CUL1: variants seen among roughly 807,000 people sequenced by gnomAD.
CUL1 encodes cullin-1.
Under a neutral mutation model 118.0 loss-of-function variants are expected in CUL1, and 24 were observed. The ratio of observed to expected loss-of-function variants is 0.20; its 90% confidence interval spans 0.15 to 0.29. The LOEUF (loss-of-function observed/expected upper bound fraction) is 0.29, where lower values mean the gene tolerates loss of function less well. Among genes scored for constraint, CUL1 ranks in the 10% least tolerant of loss-of-function variants. CUL1 has a pLI of 1.00. For synonymous variants in CUL1, 332 were observed against 340.4 expected (o/e 0.98, Z 0.27); for missense variants, 361 against 933.8 (o/e 0.39, Z 7.99).
intron 2 of CUL1, among the ~76,000 whole-genome samples, chr7:148,730,932 C>T (rs1014358591): frequency 2.0e-5 from 3 of 152,208 alleles, no homozygotes; most frequent in Non-Finnish European, 4.4e-5. Context: ...CCATCTCAGC[C>T]TCCCAAGTAG....
chr7:148,704,459 C>G (rs1797821803), intron 1 of CUL1, among the ~76,000 whole-genome samples: 1 of 152,002 alleles, frequency 6.6e-6, no homozygotes, highest in African/African-American at 2.4e-5. Flanking sequence ...TATTCCATTT[C>G]TAAGAATTTA....
chr7:148,737,586 ATTT>A (rs1383471672), intron 2 of CUL1, among the ~76,000 whole-genome samples: 1 of 145,318 alleles, frequency 6.9e-6, no homozygotes, highest in Non-Finnish European at 1.5e-5. Context: ...ATATTTATTT[ATTT>A]ATTTATTTAT....
At chr7:148,773,612 G>A (rs1800295634) in intron 9 of CUL1, among the ~76,000 whole-genome samples, 1 of 152,168 alleles carries the variant, frequency 6.6e-6, no homozygotes, top group South Asian at 2.1e-4. Flanking sequence ...AAGGCCGTCT[G>A]CTGCAGGGCT....
At chr7:148,751,103 A>G (rs778171544) in intron 2 of CUL1, among the ~76,000 whole-genome samples, 6 of 152,206 alleles carry the variant, frequency 3.9e-5, no homozygotes, top group Admixed American at 6.5e-5. Context: ...CATGCACTAC[A>G]GGGTGCTGGA....
At chr7:148,726,239 A>AG (rs1798578923) in intron 1 of CUL1, among the ~76,000 whole-genome samples, 1 of 152,212 alleles carries the variant, frequency 6.6e-6, no homozygotes, top group Non-Finnish European at 1.5e-5. Flanking sequence ...CTGAGACAGG[A>AG]GAATGGAGGT....
intron 2 of CUL1, among the ~76,000 whole-genome samples, chr7:148,740,962 C>T (rs1484380108): frequency 6.6e-6 from 1 of 152,180 alleles, no homozygotes; most frequent in Non-Finnish European, 1.5e-5. Flanking sequence ...TTGTTTAAGC[C>T]GTCTTGTCTG....
chr7:148,710,745 G>A (rs2129459023), intron 1 of CUL1, among the ~76,000 whole-genome samples: 1 of 151,094 alleles, frequency 6.6e-6, no homozygotes, highest in East Asian at 2.0e-4. Context: ...TGCAACCCCC[G>A]CCTTCTGGTT....
Position 148,753,968 on chromosome 7 carries a change from T to C in CUL1, c.141-8T>C. On this transcript the variant is annotated splice_polypyrimidine_tract_variant and splice_region_variant and intron_variant, in intron 2 of 21. Coordinates refer to ENST00000325222, the MANE Select transcript of CUL1 (RefSeq NM_003592.3). ...GATATATGTTGGTTTCCTTAACTTT[T>C]CTCCAAGTCATGTTTATAACTACTG... 6.3e-7 allele frequency: 1 copy of C among 1,580,086 alleles called. No homozygotes were observed.
intron 1 of CUL1, among the ~76,000 whole-genome samples, chr7:148,725,030 A>G (rs1798516371): frequency 6.6e-6 from 1 of 151,854 alleles, no homozygotes; most frequent in East Asian, 1.9e-4. Context: ...AGATATGGAT[A>G]TATAGTTTGT....
At chr7:148,762,470 TC>T (rs1475973775) in intron 7 of CUL1, among the ~76,000 whole-genome samples, 1 of 152,208 alleles carries the variant, frequency 6.6e-6, no homozygotes, top group African/African-American at 2.4e-5. Context: ...AAATTGACTT[TC>T]CTATGCCAAT....
intron 2 of CUL1, among the ~76,000 whole-genome samples, chr7:148,735,377 A>T (rs746665582): frequency 5.9e-5 from 9 of 152,190 alleles, no homozygotes; most frequent in Admixed American, 1.3e-4. Context: ...GGCTGCCGCC[A>T]CCACTCTTTT....
intron 1 of CUL1, among the ~76,000 whole-genome samples, chr7:148,728,653 C>T (rs576836689): frequency 6.6e-6 from 1 of 152,126 alleles, no homozygotes; most frequent in African/African-American, 2.4e-5. Flanking sequence ...TTTGAACATA[C>T]CAATTCGAAT....
At chr7:148,724,844 TTTTG>T (rs1217046631) in intron 1 of CUL1, among the ~76,000 whole-genome samples, 4 of 152,290 alleles carry the variant, frequency 2.6e-5, no homozygotes, top group African/African-American at 7.2e-5. Flanking sequence ...TATTTTGTTT[TTTTG>T]TTTGTTTTTT....
chr7:148,754,235 C>T, intron 3 of CUL1, 85 bp downstream of exon 3: 2 of 903,660 alleles, frequency 2.2e-6, no homozygotes, highest in Non-Finnish European at 1.6e-6. Context: ...AAATCTTTCA[C>T]TGTCATCTGT....
At chr7:148,799,217 T>C in intron 20 of CUL1, 58 bp from the exon 21 acceptor site, 4 of 1,333,866 alleles carry the variant, frequency 3.0e-6, no homozygotes, top group Non-Finnish European at 4.3e-6. Flanking sequence ...TCCTTAACTA[T>C]CAATACAACG....
intron 1 of CUL1, among the ~76,000 whole-genome samples, chr7:148,719,432 T>C (rs898724025): frequency 2.6e-5 from 4 of 152,234 alleles, no homozygotes; most frequent in Non-Finnish European, 4.4e-5. Context: ...CATAGTTTTA[T>C]ATAGAAAGGG....
chr7:148,780,397 C>T (rs935137987), intron 9 of CUL1, among the ~76,000 whole-genome samples: 2 of 152,130 alleles, frequency 1.3e-5, no homozygotes, highest in African/African-American at 2.4e-5. Context: ...ATTTTTTCCA[C>T]AATAAAACGT....
intron 2 of CUL1, among the ~76,000 whole-genome samples, chr7:148,737,592 T>TTATG: frequency 6.8e-6 from 1 of 148,122 alleles, no homozygotes; most frequent in East Asian, 2.0e-4. Context: ...ATTTATTTAT[T>TTATG]TATTTATTTA....
intron 1 of CUL1, among the ~76,000 whole-genome samples, chr7:148,725,418 C>T (rs1798546638): frequency 6.6e-6 from 1 of 152,196 alleles, no homozygotes. Flanking sequence ...CGGGCTGCAC[C>T]CTTCTCAGCC....
Sources: allele counts gnomAD v4.1 joint callset (sites outside exome capture counted in the v4.1 genomes callset), GRCh38; gene constraint gnomAD v4.1.1; transcripts MANE v1.5; gene names NCBI Gene and HGNC (gene_info 2026-07-23, HGNC 2026-07-21).